DLGAP1: variants seen among roughly 807,000 people sequenced by gnomAD.
DLGAP1 encodes the protein DLG associated protein 1.
A neutral mutation model predicts 90.8 loss-of-function variants in DLGAP1; 11 were observed. That is an observed-to-expected ratio of 0.12 (90% CI 0.08 to 0.20). The LOEUF is 0.20. DLGAP1 is among the 10% of genes least tolerant of loss of function. DLGAP1 has a pLI of 1.00. For synonymous variants in DLGAP1, 558 were observed against 540.7 expected (o/e 1.03, Z -0.44); for missense variants, 1,050 against 1,333.8 (o/e 0.79, Z 3.31).
intron 1 of DLGAP1, among the ~76,000 whole-genome samples, chr18:4,399,439 T>C (rs1238744602): frequency 8.5e-5 from 13 of 152,172 alleles, no homozygotes; most frequent in Non-Finnish European, 1.6e-4. Context: ...TAGAATCCCA[T>C]CTTACAGGTG....
intron 7 of DLGAP1, chr18:3,679,832 TTTTCTTTCTTTC>T (rs140018051): frequency 6.8e-6 from 1 of 146,076 alleles, no homozygotes; most frequent in Non-Finnish European, 1.5e-5. Flanking sequence ...TTTCTTTTTC[TTTTCTTTCTTTC>T]TTTCTTTCTT....
chr18:3,672,087 T>C (rs73368619), intron 7 of DLGAP1, among the ~76,000 whole-genome samples: 1,864 of 152,158 alleles, frequency 0.012, 43 homozygotes, highest in African/African-American at 0.043. Flanking sequence ...ATTTGAAAAG[T>C]TAATATTCTG....
At chr18:4,400,106 C>G (rs906487303) in intron 1 of DLGAP1, among the ~76,000 whole-genome samples, 2 of 152,270 alleles carry the variant, frequency 1.3e-5, no homozygotes, top group South Asian at 2.1e-4. Context: ...TCCACCTGCA[C>G]CACATCCCCA....
intron 7 of DLGAP1, among the ~76,000 whole-genome samples, chr18:3,726,090 A>G (rs939542050): frequency 2.5e-4 from 38 of 152,294 alleles, no homozygotes; most frequent in South Asian, 2.1e-4. Flanking sequence ...AAAATGAGGA[A>G]TTTTTTTAGG....
intron 7 of DLGAP1, among the ~76,000 whole-genome samples, chr18:3,690,587 T>C (rs938653391): frequency 2.0e-5 from 3 of 152,042 alleles, no homozygotes; most frequent in Admixed American, 2.0e-4. Flanking sequence ...GTGATGAAAG[T>C]GCCCAGAGGA....
chr18:4,290,531 A>G (rs1340683048), intron 1 of DLGAP1, among the ~76,000 whole-genome samples: 2 of 152,238 alleles, frequency 1.3e-5, no homozygotes, highest in African/African-American at 4.8e-5. Flanking sequence ...GCACAGATAG[A>G]AGGTTCACGG....
chr18:4,314,595 A>G (rs990287565), intron 1 of DLGAP1, among the ~76,000 whole-genome samples: 2 of 152,206 alleles, frequency 1.3e-5, no homozygotes, highest in African/African-American at 4.8e-5. Flanking sequence ...TCTCTCTAAA[A>G]TATGTTTTAT....
chr18:4,382,984 G>A (rs933495023), intron 1 of DLGAP1, among the ~76,000 whole-genome samples: 4 of 152,124 alleles, frequency 2.6e-5, no homozygotes, highest in African/African-American at 7.2e-5. Flanking sequence ...GGGCCAGCCA[G>A]TATATCAGTA....
intron 1 of DLGAP1, among the ~76,000 whole-genome samples, chr18:4,276,681 A>C (rs567027023): frequency 6.6e-6 from 1 of 152,098 alleles, no homozygotes; most frequent in East Asian, 1.9e-4. Flanking sequence ...GGAGTATTTC[A>C]TGGTAAAAGT....
At chr18:3,794,654 G>GC (rs2065897258) in intron 5 of DLGAP1, among the ~76,000 whole-genome samples, 1 of 152,208 alleles carries the variant, frequency 6.6e-6, no homozygotes, top group East Asian at 1.9e-4. Context: ...CATTCATGTG[G>GC]GACCATACGT....
chr18:3,615,070 G>A (rs1487413442), intron 7 of DLGAP1, among the ~76,000 whole-genome samples: 3 of 151,694 alleles, frequency 2.0e-5, no homozygotes, highest in Non-Finnish European at 2.9e-5. Flanking sequence ...ACAGGCGCCC[G>A]CCACCATGCC....
intron 9 of DLGAP1, among the ~76,000 whole-genome samples, chr18:3,543,530 C>T (rs2052828982): frequency 6.6e-6 from 1 of 152,172 alleles, no homozygotes; most frequent in African/African-American, 2.4e-5. Context: ...TGCTAAATAA[C>T]AGGGCTTGCC....
At chr18:3,839,351 T>C (rs2068577228) in intron 4 of DLGAP1, among the ~76,000 whole-genome samples, 1 of 152,090 alleles carries the variant, frequency 6.6e-6, no homozygotes, top group Non-Finnish European at 1.5e-5. Context: ...CAGGTAGAAT[T>C]ATTGGAGGGG....
intron 2 of DLGAP1, among the ~76,000 whole-genome samples, chr18:4,047,501 A>G (rs1487172564): frequency 6.6e-6 from 1 of 152,258 alleles, no homozygotes; most frequent in Admixed American, 6.5e-5. Flanking sequence ...TATGAAATAA[A>G]GAATATTTAG....
chr18:3,541,491 T>G (rs1388983979), intron 9 of DLGAP1, among the ~76,000 whole-genome samples: 1 of 152,210 alleles, frequency 6.6e-6, no homozygotes, highest in Non-Finnish European at 1.5e-5. Context: ...GGGTGGGTAC[T>G]GGGCTGTGAG....
intron 1 of DLGAP1, among the ~76,000 whole-genome samples, chr18:4,158,871 A>T (rs559382333): frequency 6.6e-6 from 1 of 152,308 alleles, no homozygotes; most frequent in Non-Finnish European, 1.5e-5. Flanking sequence ...ATATTAAGGT[A>T]AGCATATGTC....
intron 1 of DLGAP1, among the ~76,000 whole-genome samples, chr18:4,365,278 T>G (rs925529940): frequency 2.6e-5 from 4 of 152,136 alleles, no homozygotes; most frequent in African/African-American, 9.7e-5. Flanking sequence ...CCTAAGCTTC[T>G]ACCTTAAAAA....
chr18:3,766,257 T>C (rs754365557), intron 5 of DLGAP1, among the ~76,000 whole-genome samples: 23 of 152,126 alleles, frequency 1.5e-4, no homozygotes, highest in Admixed American at 4.6e-4. Context: ...TAATGATATA[T>C]CATGGGTTAA....
chr18:3,833,045 C>A (rs1216316917), intron 4 of DLGAP1, among the ~76,000 whole-genome samples: 5 of 152,284 alleles, frequency 3.3e-5, no homozygotes, highest in African/African-American at 1.2e-4. Flanking sequence ...AAAGGAGAAT[C>A]TCATAAATAA....
Sources: gnomAD v4.1 joint callset for allele counts (sites outside exome capture counted in the v4.1 genomes callset) on GRCh38, gnomAD v4.1.1 for gene constraint, MANE v1.5 for transcripts, NCBI Gene and HGNC (gene_info 2026-07-23, HGNC 2026-07-21) for gene names.